COL17A1: variants seen among roughly 807,000 people sequenced by gnomAD.
COL17A1 encodes collagen alpha-1(XVII) chain.
COL17A1 carries 181 observed loss-of-function variants against 218.4 expected under a neutral mutation model. The ratio of observed to expected loss-of-function variants is 0.83; its 90% confidence interval spans 0.73 to 0.94. The LOEUF is 0.94. Ranked by LOEUF, COL17A1 falls within the 40% of genes least tolerant of loss-of-function variation. The pLI is 0.00. For synonymous variants in COL17A1, 721 were observed against 731.0 expected, an observed-to-expected ratio of 0.99 and a Z score of 0.22; for missense variants, 1,924 against 1,945.9, an observed-to-expected ratio of 0.99 and a Z score of 0.21.
At chr10:104,034,514 G>A in intron 51 of COL17A1, 107 bp downstream of exon 51, 1 of 1,524,932 alleles carries the variant, frequency 6.6e-7, no homozygotes, top group Non-Finnish European at 8.9e-7. Context: ...CCCCACCAGT[G>A]GCTCTCGTGT....
rs1293047270 is a variant in COL17A1 at position 104,050,836 on chromosome 10, C to G, written c.2092+12G>C. On this transcript the variant is annotated intron_variant, in intron 26 of 55. Coordinates refer to ENST00000648076, the MANE Select transcript of COL17A1 (RefSeq NM_000494.4). ...GACCCTCACTGTCCCCCCAGGCCTCCCTCCAGCTTACCTTTGACACCAGGA... is the reference window on the plus strand; with the variant it reads ...GACCCTCACTGTCCCCCCAGGCCTCGCTCCAGCTTACCTTTGACACCAGGA... 3 of 1,614,046 alleles carry G rather than the reference C, an allele frequency of 1.9e-6. No individual in the cohort carries two copies. In the African/African-American group the frequency reaches 4.0e-5, roughly 22 times the overall value.
At chr10:104,082,320 C>T (rs1400339640) in intron 1 of COL17A1, among the ~76,000 whole-genome samples, 3 of 152,206 alleles carry the variant, frequency 2.0e-5, no homozygotes, top group Non-Finnish European at 4.4e-5. Context: ...CCAGCTATAA[C>T]CTATATGACT....
intron 33 of COL17A1, 108 bp from the exon 34 acceptor site, chr10:104,043,968 C>G: frequency 8.2e-7 from 1 of 1,213,304 alleles, no homozygotes; most frequent in Non-Finnish European, 1.2e-6. Context: ...TTCTGGGCCT[C>G]TCACCATCAG....
In COL17A1 at chr10:104,039,070, C is replaced by T; in HGVS notation, c.2947+1G>A. 1 of 1,614,040 alleles carries T rather than the reference C, an allele frequency of 6.2e-7. No homozygotes were observed. The highest frequency in any genetic ancestry group is 8.5e-7 in the Non-Finnish European group (1 of 1,179,926). On this transcript the variant is annotated splice_donor_variant, in intron 44 of 55. Transcript: ENST00000648076. LOFTEE classifies it high-confidence loss of function. ...GAACTTTGGTCACTTTCAGTTCTTA[C>T]CTTCAGAAGGACCACTAGGAATGCC...
chr10:104,048,761 G>A (rs751569489), intron 29 of COL17A1, among the ~76,000 whole-genome samples: 45 of 152,116 alleles, frequency 3.0e-4, no homozygotes, highest in African/African-American at 8.9e-4. Context: ...GGAAGTGAAC[G>A]AGAGTACACA....
chr10:104,037,724 T>G lies in COL17A1; in HGVS notation c.3120A>C (p.Pro1040=). ...TGGTGACAGGTCCTGGGGGACCAGG[T>G]GGGCCTGGGGGACCCTGAACTCCGG... is the stretch of plus-strand genomic sequence containing the variant. The part of the protein sequence containing the change: ...YLSGVQGPPG[P]PGPPGPVTTI... The change falls in exon 46 of 56, where the codon CCA becomes CCC. Residue 1040 remains proline, a synonymous_variant. Transcript: ENST00000648076. 2 of 1,614,104 alleles carry G rather than the reference T, an allele frequency of 1.2e-6. No individual in the cohort carries two copies. Among genetic ancestry groups the G allele is most frequent in the Non-Finnish European group, 1.7e-6 (2 of 1,180,002 alleles).
In COL17A1 at chr10:104,036,513, G is replaced by T. The variant is rs2086300559; in HGVS notation, c.3397C>A (p.Arg1133Ser). Residue 1133 changes from arginine (R) to serine (S), a missense_variant, in exon 48 of 56, where the codon CGC becomes AGC. Physicochemically the swap from Arg to Ser is moderately radical, Grantham distance 110 (BLOSUM62 -1). Transcript: ENST00000648076. The part of the protein sequence containing the change: ...LSLDYAELSS[R>S]ILSYMSSSGI... ...TTACTCGACATGTAGCTGAGAATGC[G>T]ACTACTCAGCTCTGCATAGTCCAAA... 3 of 1,613,898 alleles carry T rather than the reference G, an allele frequency of 1.9e-6. No homozygotes were observed. In the East Asian group the frequency reaches 6.7e-5, roughly 36 times the overall value.
At chr10:104,081,291 G>A (rs2086762818) in intron 1 of COL17A1, among the ~76,000 whole-genome samples, 1 of 152,194 alleles carries the variant, frequency 6.6e-6, no homozygotes, top group Admixed American at 6.5e-5. Context: ...CTTATCTGCA[G>A]ACATAAGTAT....
chr10:104,047,663 AC>A, intron 31 of COL17A1, 75 bp downstream of exon 31: 9 of 1,227,660 alleles, frequency 7.3e-6, no homozygotes, highest in Non-Finnish European at 1.1e-5. Flanking sequence ...GCACACGCAC[AC>A]ACATGCCTAC....
Position 104,036,631 on chromosome 10 carries a change from C to A in COL17A1, c.3279G>T (p.Arg1093=). 6.2e-7 allele frequency: 1 copy of A among 1,613,728 alleles called. No homozygotes were observed. The highest frequency in any genetic ancestry group is 8.5e-7 in the Non-Finnish European group (1 of 1,179,868). The part of the protein sequence containing the change: ...SSEDILAVLQ[R]DDVRQYLRQY... ...GACGTAGGTACTGACGCACGTCATC[C>A]CCTGGAGAGGAGAGGATGCACTAGC... Residue 1093 remains arginine, a splice_region_variant and synonymous_variant, in exon 48 of 56, where the codon CGG becomes CGT. Transcript: ENST00000648076.
rs201950193 is a variant in COL17A1, at chr10:104,032,888, C to T, written c.4357+18G>A. The T allele has an allele frequency of 6.2e-7, 1 of 1,614,130 alleles. No homozygotes were observed. Among genetic ancestry groups the T allele is most frequent in the Non-Finnish European group, 8.5e-7 (1 of 1,179,980 alleles). ...TGTTAACACAGGATCCAGGGACTGG[C>T]TCTCTGCCACCACTTACCTTTGGGT... On this transcript the variant is annotated intron_variant, in intron 54 of 55. Coordinates refer to ENST00000648076, the MANE Select transcript of COL17A1 (RefSeq NM_000494.4).
rs1255956825 is a variant in COL17A1, at chr10:104,048,090, C to A, written c.2242G>T (p.Asp748Tyr). 3 of 1,614,086 alleles carry A rather than the reference C, an allele frequency of 1.9e-6. No homozygotes were observed. In the African/African-American group the frequency reaches 4.0e-5, roughly 22 times the overall value. ...AKGAMGPAGP[D>Y]GHQGPRGEQG... ...CAACCTCTTGGGCCTTGGTGTCCGT[C>A]TGGGCCAGCAGGACCTGGTAAAGTA... Residue 748 changes from aspartate (D) to tyrosine (Y), a missense_variant, in exon 30 of 56, where the codon GAC becomes TAC. Coordinates refer to ENST00000648076, the MANE Select transcript of COL17A1 (RefSeq NM_000494.4).
chr10:104,055,532 T>C, intron 18 of COL17A1, 131 bp from the exon 19 acceptor site: 1 of 1,434,834 alleles, frequency 7.0e-7, no homozygotes, highest in Non-Finnish European at 9.6e-7. Context: ...AGACTAGAGA[T>C]CAGATTCTAA....
intron 11 of COL17A1, 106 bp downstream of exon 11, chr10:104,063,641 G>A (rs1265871429): frequency 6.6e-7 from 1 of 1,522,662 alleles, no homozygotes; most frequent in African/African-American, 1.4e-5. Flanking sequence ...CTCTGCTTCT[G>A]AGCTGCAGTA....
intron 33 of COL17A1, among the ~76,000 whole-genome samples, chr10:104,045,281 C>T (rs182641927): frequency 6.6e-6 from 1 of 152,306 alleles, no homozygotes; most frequent in Non-Finnish European, 1.5e-5. Context: ...TCTGCCTGTA[C>T]TAAAGCCTCC....
chr10:104,046,140 C>T (rs2086407228), intron 32 of COL17A1, among the ~76,000 whole-genome samples: 1 of 152,190 alleles, frequency 6.6e-6, no homozygotes, highest in Non-Finnish European at 1.5e-5. Context: ...CTTCCTGAGT[C>T]CAATGCAGCA....
intron 22 of COL17A1, among the ~76,000 whole-genome samples, chr10:104,053,692 T>C (rs1444550971): frequency 6.6e-6 from 1 of 152,080 alleles, no homozygotes; most frequent in African/African-American, 2.4e-5. Context: ...TCCTTTCCCA[T>C]GTCGTGCATC....
intron 9 of COL17A1, 57 bp downstream of exon 9, chr10:104,070,369 T>C: frequency 6.2e-7 from 1 of 1,609,610 alleles, no homozygotes; most frequent in South Asian, 1.1e-5. Flanking sequence ...ACTCTTTGGG[T>C]TTGGATGGGT....
At chr10:104,040,133 C>G in intron 40 of COL17A1, 134 bp from the exon 41 acceptor site, 1 of 1,078,308 alleles carries the variant, frequency 9.3e-7, no homozygotes, top group South Asian at 1.3e-5. Flanking sequence ...TGCCTCTCCT[C>G]TCACTAGGCC....
Sources: allele counts gnomAD v4.1 joint callset (sites outside exome capture counted in the v4.1 genomes callset), GRCh38; gene constraint gnomAD v4.1.1; transcripts MANE v1.5; gene names NCBI Gene and HGNC (gene_info 2026-07-23, HGNC 2026-07-21).